The following RIMS1 variants were observed in gnomAD, a reference collection of about 807,000 sequenced individuals.
RIMS1 encodes the protein regulating synaptic membrane exocytosis 1.
Under a neutral mutation model 214.1 loss-of-function variants are expected in RIMS1, and 83 were observed. That is an observed-to-expected ratio of 0.39 (90% CI 0.32 to 0.47). RIMS1 has a LOEUF of 0.47. Ranked by LOEUF, RIMS1 falls within the 20% of genes least tolerant of loss-of-function variation. The pLI is 0.99. For synonymous variants in RIMS1, 793 were observed against 786.8 expected (o/e 1.01, Z -0.13); for missense variants, 2,050 against 2,161.8 (o/e 0.95, Z 1.03).
chr6:72,250,528 T>A, intron 13 of RIMS1, 68 bp downstream of exon 13: 1 of 1,158,760 alleles, frequency 8.6e-7, no homozygotes, highest in Non-Finnish European at 1.2e-6. Context: ...AATTTTCTCT[T>A]TTGGGATGTT....
chr6:72,292,000 A>C lies in RIMS1; in HGVS notation c.3804A>C (p.Gly1268=), dbSNP rs369787158. Residue 1268 remains glycine, a synonymous_variant, in exon 26 of 34, where the codon GGA becomes GGC. Transcript: ENST00000521978. ...PADTSFSSRR[G]RQLPQVPVRS... is the part of the protein sequence containing the mutation. ...ACACATCGTTCAGCAGTCGCAGGGG[A>C]AGACAGCTCCCACAAGTGCCAGTGA... 6.4e-7 allele frequency: 1 copy of C among 1,563,132 alleles called. No homozygotes were observed. The highest frequency in any genetic ancestry group is 1.4e-5 in the African/African-American group (1 of 73,594).
At position 72,196,141 on chromosome 6, in the gene RIMS1, G is replaced by A. The variant is rs143817987; in HGVS notation, c.1678+12992G>A. ...GTTATTGGTTTATGTATATTTCCTG[G>A]GAGCAAAGAATTCATTTTGTGTTCT... On this transcript the variant is annotated intron_variant, in intron 6 of 33. Transcript: ENST00000521978. 3.0e-4 allele frequency among the ~76,000 whole-genome samples: 45 copies of A among 152,032 alleles called. 3 individuals are homozygous for A. In the East Asian group the frequency reaches 8.1e-3, roughly 27 times the overall value.
chr6:71,973,110 A>T (rs1490753418), intron 2 of RIMS1, among the ~76,000 whole-genome samples: 1 of 152,180 alleles, frequency 6.6e-6, no homozygotes, highest in African/African-American at 2.4e-5. Context: ...GGGTTTCACC[A>T]TGTTGGTCAG....
intron 2 of RIMS1, among the ~76,000 whole-genome samples, chr6:72,068,621 A>G (rs1317572478): frequency 6.6e-6 from 1 of 152,190 alleles, no homozygotes; most frequent in African/African-American, 2.4e-5. Context: ...GGCAATGCCC[A>G]ATAGGAATTT....
intron 1 of RIMS1, among the ~76,000 whole-genome samples, chr6:71,896,864 T>A (rs1000027655): frequency 6.6e-6 from 1 of 152,206 alleles, no homozygotes; most frequent in African/African-American, 2.4e-5. Flanking sequence ...TCTCCCATTT[T>A]ATATGCAGTT....
At chr6:72,334,851 A>T (rs1192779201) in intron 29 of RIMS1, among the ~76,000 whole-genome samples, 2 of 151,938 alleles carry the variant, frequency 1.3e-5, no homozygotes, top group Non-Finnish European at 2.9e-5. Context: ...ACAGGATTAG[A>T]ATGAACTTAG....
chr6:72,387,127 C>A (rs946919634), intron 29 of RIMS1, among the ~76,000 whole-genome samples: 2 of 151,924 alleles, frequency 1.3e-5, no homozygotes, highest in Non-Finnish European at 2.9e-5. Context: ...TCCAGCACCT[C>A]GAGCAGTGTA....
intron 4 of RIMS1, among the ~76,000 whole-genome samples, chr6:72,174,000 CAAAT>C (rs1381528928): frequency 6.6e-6 from 1 of 151,168 alleles, no homozygotes; most frequent in Non-Finnish European, 1.5e-5. Flanking sequence ...AAAAAAAAGA[CAAAT>C]AGTCATCTGT....
chr6:72,109,980 T>C (rs2035691168), intron 4 of RIMS1, among the ~76,000 whole-genome samples: 1 of 152,148 alleles, frequency 6.6e-6, no homozygotes, highest in Non-Finnish European at 1.5e-5. Context: ...ATTGCTTGTT[T>C]TTCTCATGTT....
chr6:72,346,042 GAAAACAAAA>G (rs1307322603), intron 29 of RIMS1, among the ~76,000 whole-genome samples: 2 of 151,702 alleles, frequency 1.3e-5, no homozygotes, highest in Non-Finnish European at 3.0e-5. Flanking sequence ...GGCTCCTGCA[GAAAACAAAA>G]AGTTAAAGGT....
At chr6:72,128,143 C>A (rs79165395) in intron 4 of RIMS1, among the ~76,000 whole-genome samples, 1 of 152,046 alleles carries the variant, frequency 6.6e-6, no homozygotes, top group Non-Finnish European at 1.5e-5. Flanking sequence ...TAGAGAGGGG[C>A]GCTATCTTCC....
intron 2 of RIMS1, among the ~76,000 whole-genome samples, chr6:72,053,273 A>C (rs577698446): frequency 6.6e-6 from 1 of 152,320 alleles, no homozygotes; most frequent in East Asian, 1.9e-4. Context: ...AGAAATGTTT[A>C]CACCATAGTC....
intron 6 of RIMS1, among the ~76,000 whole-genome samples, chr6:72,222,155 T>C (rs1006181760): frequency 1.3e-5 from 2 of 152,086 alleles, no homozygotes; most frequent in Admixed American, 6.6e-5. Flanking sequence ...CAAATGGTAA[T>C]TTTAATTTTC....
chr6:72,392,729 G>A lies in RIMS1; in HGVS notation c.4537G>A (p.Asp1513Asn), dbSNP rs747670767. 6.2e-6 allele frequency: 10 copies of A among 1,613,538 alleles called. No individual in the cohort carries two copies. Among genetic ancestry groups the A allele is most frequent in the Non-Finnish European group, 8.5e-6 (10 of 1,179,556 alleles). The change falls in exon 31 of 34, where the codon GAC (aspartate) becomes AAC (asparagine). Residue 1513 changes from aspartate to asparagine, a missense_variant. Asp to Asn is a conservative substitution (Grantham distance 23). Around this residue, in one of 6 missense-constraint regions of RIMS1, gnomAD observed 121 missense variants for 187.3 expected, o/e 0.65. Transcript: ENST00000521978. ...ATTTCCTGGAGTGCGACTGGGAGCT[G>A]ACAGTCAATTCAGTGATTTTCTTGA... is the stretch of plus-strand genomic sequence containing the variant. ...LIFPGVRLGA[D>N]SQFSDFLDGL...
intron 2 of RIMS1, among the ~76,000 whole-genome samples, chr6:71,977,428 A>T (rs1378268687): frequency 6.6e-6 from 1 of 152,170 alleles, no homozygotes; most frequent in Non-Finnish European, 1.5e-5. Context: ...TGTGTGCATA[A>T]CATATTGCCA....
At chr6:72,390,958 C>A in intron 30 of RIMS1, 1 of 419,390 alleles carries the variant, frequency 2.4e-6, no homozygotes, top group Admixed American at 4.0e-5. Context: ...TCTGAGTCCA[C>A]ATGAACAAAT....
intron 31 of RIMS1, among the ~76,000 whole-genome samples, chr6:72,393,090 A>AAG (rs2098726499): frequency 6.6e-6 from 1 of 151,984 alleles, no homozygotes; most frequent in South Asian, 2.1e-4. Context: ...GCATGGAAAA[A>AAG]AAAAAAAAAA....
At position 71,968,969 on chromosome 6, in the gene RIMS1, A is replaced by G; in HGVS notation, c.165-14A>G. 2 of 1,612,970 alleles carry G rather than the reference A, an allele frequency of 1.2e-6. No homozygotes were observed. The highest frequency in any genetic ancestry group is 1.7e-5 in the Admixed American group (1 of 60,024). ...TAATTAATAGTGCGTTGTGCTGTCT[A>G]TCATGCGCCCCAGGTGTGTTGTCAG... On this transcript the variant is annotated splice_polypyrimidine_tract_variant and intron_variant, in intron 1 of 33. Coordinates refer to ENST00000521978, the MANE Select transcript of RIMS1 (RefSeq NM_014989.7).
chr6:72,331,456 T>C (rs570406877), intron 28 of RIMS1, among the ~76,000 whole-genome samples: 2 of 151,950 alleles, frequency 1.3e-5, no homozygotes, highest in African/African-American at 4.8e-5. Flanking sequence ...AGGCATTCGA[T>C]TGAGCATGGA....
Sources: gnomAD v4.1 joint callset for allele counts (sites outside exome capture counted in the v4.1 genomes callset) on GRCh38, gnomAD v4.1.1 for gene constraint, gnomAD v4.1.1 regional missense constraint, MANE v1.5 for transcripts, NCBI Gene and HGNC (gene_info 2026-07-23, HGNC 2026-07-21) for gene names.